Variants in RAB5A observed in about 807,000 individuals in gnomAD.
RAB5A encodes the protein RAB5A, member RAS oncogene family.
Under a neutral mutation model 25.7 loss-of-function variants are expected in RAB5A, and 8 were observed. The ratio of observed to expected loss-of-function variants is 0.31; its 90% CI spans 0.18 to 0.56. RAB5A has a LOEUF of 0.56. Ranked by LOEUF, RAB5A falls within the 20% of genes least tolerant of loss-of-function variation. The pLI, the probability that RAB5A is intolerant of heterozygous loss-of-function variation, is 0.91. For synonymous variants in RAB5A, 98 were observed against 89.8 expected, an observed-to-expected ratio of 1.09 and a Z score of -0.52; for missense variants, 192 against 259.7, an observed-to-expected ratio of 0.74 and a Z score of 1.79.
chr3:19,980,326 G>T (rs1314504010), intron 5 of RAB5A, among the ~76,000 whole-genome samples: 1 of 152,152 alleles, frequency 6.6e-6, no homozygotes, highest in Non-Finnish European at 1.5e-5. Context: ...GAGTTAGAAA[G>T]CAGCCTACAT....
chr3:19,983,363 AG>A (rs1364264166), intron 5 of RAB5A, among the ~76,000 whole-genome samples: 39 of 150,888 alleles, frequency 2.6e-4, no homozygotes, highest in African/African-American at 8.7e-4. Flanking sequence ...AAAAAAAAAA[AG>A]AAGTAATAAT....
intron 2 of RAB5A, among the ~76,000 whole-genome samples, chr3:19,952,870 A>G (rs1239311764): frequency 4.6e-5 from 7 of 151,998 alleles, no homozygotes. Flanking sequence ...TGCTTCCTCC[A>G]GAAGTGATTT....
chr3:19,959,366 T>C (rs1696550779), intron 2 of RAB5A, among the ~76,000 whole-genome samples: 1 of 152,030 alleles, frequency 6.6e-6, no homozygotes, highest in South Asian at 2.1e-4. Context: ...ATATTAAAGG[T>C]TTTTAAAAGT....
At position 19,950,896 on chromosome 3, in the gene RAB5A, G is replaced by C. The variant is rs115981030; in HGVS notation, c.-3G>C. 3.7e-6 allele frequency: 6 copies of C among 1,602,188 alleles called. No homozygotes were observed. Among genetic ancestry groups the C allele is most frequent in the Non-Finnish European group, 5.1e-6 (6 of 1,173,284 alleles). ...AAATTAGGGACTTATTTCAAATTTG[G>C]ACATGGCTAGTCGAGGCGCAACAAG... On this transcript the variant is annotated 5_prime_UTR_variant, in exon 2 of 6. Transcript: ENST00000273047.
intron 2 of RAB5A, among the ~76,000 whole-genome samples, chr3:19,960,759 T>G (rs1298308904): frequency 6.6e-6 from 1 of 152,238 alleles, no homozygotes; most frequent in African/African-American, 2.4e-5. Context: ...CTGAAGTAAG[T>G]GTTGCTAAAC....
At chr3:19,971,781 A>G (rs1483672625) in intron 2 of RAB5A, among the ~76,000 whole-genome samples, 1 of 152,104 alleles carries the variant, frequency 6.6e-6, no homozygotes, top group African/African-American at 2.4e-5. Context: ...GGCCCAGTAC[A>G]GTGTTATCAG....
chr3:19,971,906 C>A (rs1696757882), intron 2 of RAB5A, among the ~76,000 whole-genome samples: 1 of 152,310 alleles, frequency 6.6e-6, no homozygotes, highest in African/African-American at 2.4e-5. Flanking sequence ...CAAATGTTAT[C>A]TGAAGTAGCC....
At chr3:19,968,674 T>G (rs893532060) in intron 2 of RAB5A, among the ~76,000 whole-genome samples, 2 of 152,306 alleles carry the variant, frequency 1.3e-5, no homozygotes, top group East Asian at 3.9e-4. Flanking sequence ...TTGGCCAGGC[T>G]GGTCTCAAAC....
At position 19,978,314 on chromosome 3, in the gene RAB5A, C is replaced by T. The variant is rs200242114; in HGVS notation, c.443C>T (p.Ala148Val). The part of the protein sequence containing the change: ...ANKRAVDFQE[A>V]QSYADDNSLL... ...CATTTTTTGTTCTGTAAACAGGAAG[C>T]ACAGTCCTATGCAGATGACAATAGT... Residue 148 changes from alanine to valine, a missense_variant, in exon 5 of 6, where the codon GCA becomes GTA. This residue lies in a region of RAB5A where 121 missense variants were observed against 135.7 expected (regional missense o/e 0.89). Coordinates refer to ENST00000273047, the MANE Select transcript of RAB5A (RefSeq NM_004162.5). 487 of 1,605,064 alleles carry T rather than the reference C, an allele frequency of 3.0e-4. 3 individuals carry two copies. The South Asian group carries it at 5.1e-3, about 17-fold the overall frequency.
chr3:19,979,719 C>A (rs1696887161), intron 5 of RAB5A, among the ~76,000 whole-genome samples: 1 of 151,294 alleles, frequency 6.6e-6, no homozygotes, highest in Non-Finnish European at 1.5e-5. Flanking sequence ...TTTTTTTAAC[C>A]CTTTCCTCTT....
At chr3:19,953,383 G>A (rs1303681884) in intron 2 of RAB5A, among the ~76,000 whole-genome samples, 1 of 149,284 alleles carries the variant, frequency 6.7e-6, no homozygotes, top group African/African-American at 2.5e-5. Flanking sequence ...AAAACAAAAA[G>A]GAATTTGCAT....
Position 19,975,585 on chromosome 3 carries a change from A to C in RAB5A, c.164-16A>C, listed in dbSNP as rs757777830. The C allele has an allele frequency of 9.9e-6, 16 of 1,609,042 alleles. No homozygotes were observed. The African/African-American group carries it at 1.9e-4, about 19-fold the overall frequency. On this transcript the variant is annotated splice_polypyrimidine_tract_variant and intron_variant, in intron 2 of 5. Transcript: ENST00000273047. The stretch of plus-strand genomic sequence containing the variant: ...TGGAGAAAAATGATTGACTTATTGT[A>C]GTCCTTTTCTTTCAGCTGCTTTTCT...
At chr3:19,979,286 C>CTTT (rs780232080) in intron 5 of RAB5A, among the ~76,000 whole-genome samples, 3 of 120,300 alleles carry the variant, frequency 2.5e-5, no homozygotes, top group East Asian at 2.5e-4. Context: ...AAGGTACTTT[C>CTTT]TTTTTTTTTT....
In RAB5A at chr3:19,950,967, A is replaced by G; in HGVS notation, c.69A>G (p.Leu23=). The stretch of plus-strand genomic sequence containing the variant: ...GAAATAAAATATGCCAGTTCAAACT[A>G]GTACTTCTGGGAGAGTCCGCTGTTG... The part of the protein sequence containing the change: ...NTGNKICQFK[L]VLLGESAVGK... The change falls in exon 2 of 6, where the codon CTA becomes CTG. Residue 23 remains leucine, a synonymous_variant. Coordinates refer to ENST00000273047, the MANE Select transcript of RAB5A (RefSeq NM_004162.5). 1.9e-6 allele frequency: 3 copies of G among 1,614,130 alleles called. No individual in the cohort carries two copies. Among genetic ancestry groups the G allele is most frequent in the Non-Finnish European group, 2.5e-6 (3 of 1,179,984 alleles).
intron 2 of RAB5A, among the ~76,000 whole-genome samples, chr3:19,956,932 TTG>T (rs1203293757): frequency 6.7e-6 from 1 of 148,516 alleles, no homozygotes; most frequent in Non-Finnish European, 1.5e-5. Context: ...TTGAAAAATT[TTG>T]TGTTTTTTTT....
rs1196694287 is a variant in RAB5A, at chr3:19,984,213, A to G, written c.*390A>G. 2.4e-6 allele frequency: 1 copy of G among 423,356 alleles called. No individual in the cohort carries two copies. Among genetic ancestry groups the G allele is most frequent in the Non-Finnish European group, 4.6e-6 (1 of 218,772 alleles). 26.2% of individuals were successfully genotyped at this position (423,356 alleles called of 1,614,324 possible). A position where few individuals can be genotyped will look rare whatever the true frequency, so the allele number is the denominator to read the frequency against. ...ACTTACTAATTTGGGCTTTTCAAAAACATTCTTTGTTTAGAAGGAGATTCT... is the reference window on the plus strand; with the variant it reads ...ACTTACTAATTTGGGCTTTTCAAAAGCATTCTTTGTTTAGAAGGAGATTCT... On this transcript the variant is annotated 3_prime_UTR_variant, in exon 6 of 6. Coordinates refer to ENST00000273047, the MANE Select transcript of RAB5A (RefSeq NM_004162.5).
chr3:19,964,802 A>C (rs1455652817), intron 2 of RAB5A, among the ~76,000 whole-genome samples: 3 of 152,120 alleles, frequency 2.0e-5, no homozygotes, highest in Non-Finnish European at 4.4e-5. Context: ...AGTAGAGACA[A>C]GGTTTCACCA....
At chr3:19,977,427 A>T (rs1210987387) in intron 4 of RAB5A, among the ~76,000 whole-genome samples, 1 of 152,192 alleles carries the variant, frequency 6.6e-6, no homozygotes, top group Non-Finnish European at 1.5e-5. Flanking sequence ...CTTCTCTACT[A>T]GAAGGGCGGT....
chr3:19,974,581 T>C (rs1696795404), intron 2 of RAB5A, among the ~76,000 whole-genome samples: 1 of 152,004 alleles, frequency 6.6e-6, no homozygotes, highest in Admixed American at 6.6e-5. Flanking sequence ...TAGGTTAAGG[T>C]AATAATGACT....
Sources: allele counts gnomAD v4.1 joint callset (sites outside exome capture counted in the v4.1 genomes callset), GRCh38; gene constraint gnomAD v4.1.1; regional missense constraint gnomAD v4.1.1; transcripts MANE v1.5; gene names NCBI Gene and HGNC (gene_info 2026-07-23, HGNC 2026-07-21).